BCAS3: variants seen among roughly 807,000 people sequenced by gnomAD.
BCAS3 encodes the protein BCAS3 microtubule associated cell migration factor, also known as BCAS4/BCAS3 fusion.
BCAS3 carries 53 observed loss-of-function variants against 116.1 expected under a neutral mutation model. The observed-to-expected ratio is 0.46, with a 90% CI of 0.37 to 0.57. BCAS3 has a LOEUF of 0.57. Ranked by LOEUF, BCAS3 falls within the 20% of genes least tolerant of loss-of-function variation. BCAS3 has a pLI of 0.00. For synonymous variants in BCAS3, 391 were observed against 408.2 expected, an observed-to-expected ratio of 0.96 and a Z score of 0.51; for missense variants, 917 against 1,165.4, an observed-to-expected ratio of 0.79 and a Z score of 3.10.
At chr17:60,839,480 G>A (rs549731187) in intron 7 of BCAS3, among the ~76,000 whole-genome samples, 1 of 152,196 alleles carries the variant, frequency 6.6e-6, no homozygotes, top group East Asian at 1.9e-4. Flanking sequence ...TATAAGTTGT[G>A]CGAGTGTCGG....
In BCAS3 at chr17:61,208,516, A is replaced by T. The variant is rs1233604421; in HGVS notation, c.2425+123952A>T. Among the ~76,000 whole-genome samples the T allele has an allele frequency of 6.6e-6, 1 of 152,158 alleles. No individual in the cohort carries two copies. ...CCATAACAGCTTGAGTTTAACTCGA[A>T]TCTCATTAGCTCAGCTTAATTTGAG... On this transcript the variant is annotated intron_variant, in intron 22 of 23. Coordinates refer to ENST00000407086, the MANE Select transcript of BCAS3 (RefSeq NM_017679.5). The surrounding 1 kb of genome is among the most constrained non-coding windows in gnomAD (Gnocchi z 4.5).
chr17:60,744,735 C>T (rs985539175), intron 5 of BCAS3, among the ~76,000 whole-genome samples: 7 of 150,518 alleles, frequency 4.7e-5, no homozygotes, highest in African/African-American at 1.5e-4. Flanking sequence ...AAACACAGAT[C>T]CTAGGACCAT....
chr17:60,745,143 A>T (rs576280511), intron 5 of BCAS3, among the ~76,000 whole-genome samples: 2 of 152,126 alleles, frequency 1.3e-5, no homozygotes, highest in South Asian at 4.1e-4. Flanking sequence ...TGCAAATAAT[A>T]GTACAGAGTG....
intron 22 of BCAS3, among the ~76,000 whole-genome samples, chr17:61,175,191 G>T (rs2079064950): frequency 6.6e-6 from 1 of 152,178 alleles, no homozygotes; most frequent in Admixed American, 6.5e-5. Context: ...AAGATTACTT[G>T]TTGGCAGGAG....
At chr17:61,114,642 A>T (rs992919111) in intron 22 of BCAS3, among the ~76,000 whole-genome samples, 1 of 152,164 alleles carries the variant, frequency 6.6e-6, no homozygotes, top group Non-Finnish European at 1.5e-5. Context: ...AAGAATCAAT[A>T]TCGTGAAAAT....
chr17:61,045,823 T>TTCTCTCTCTC lies in BCAS3; in HGVS notation c.2029+4949_2029+4958dup, dbSNP rs1182475386. ...AGAGTGAGTGAGACTTCATCTCTCT[T>TTCTCTCTCTC]TCTCTCTCTCTCTCTCTCTCTCTCT... is the stretch of plus-strand genomic sequence containing the variant. On this transcript the variant is annotated intron_variant, in intron 19 of 23. Coordinates refer to ENST00000407086, the MANE Select transcript of BCAS3 (RefSeq NM_017679.5). Among the ~76,000 whole-genome samples the TTCTCTCTCTC allele has an allele frequency of 2.0e-3, 68 of 34,618 alleles. 3 individuals carry two copies. The highest frequency in any genetic ancestry group is 0.016 in the African/African-American group (62 of 3,848). 22.7% of individuals were successfully genotyped at this position (34,618 alleles called of 152,430 possible).
At chr17:61,165,941 T>C (rs1056022654) in intron 22 of BCAS3, among the ~76,000 whole-genome samples, 93 of 152,206 alleles carry the variant, frequency 6.1e-4, no homozygotes, top group African/African-American at 4.8e-4. Flanking sequence ...TACTAAGTGA[T>C]AGAGCTGGAA....
intron 14 of BCAS3, among the ~76,000 whole-genome samples, chr17:60,951,797 G>A (rs542303623): frequency 9.4e-5 from 13 of 137,744 alleles, no homozygotes; most frequent in East Asian, 4.3e-4. Flanking sequence ...CTTTGGAGAC[G>A]GAGTCTCTAT....
chr17:61,000,749 T>C (rs2064178844), intron 15 of BCAS3, among the ~76,000 whole-genome samples: 1 of 152,178 alleles, frequency 6.6e-6, no homozygotes, highest in African/African-American at 2.4e-5. Flanking sequence ...TAAAGGCTTT[T>C]AGAACAATAC....
chr17:61,206,716 G>A (rs1568574096), intron 22 of BCAS3, among the ~76,000 whole-genome samples: 1 of 146,346 alleles, frequency 6.8e-6, no homozygotes, highest in Non-Finnish European at 1.5e-5. Flanking sequence ...CAGGAGAATC[G>A]CTTGAACCTG....
intron 22 of BCAS3, among the ~76,000 whole-genome samples, chr17:61,338,926 A>G (rs76295035): frequency 0.034 from 5,028 of 149,258 alleles, 345 homozygotes; most frequent in African/African-American, 0.12. Context: ...AGCAGAAAGG[A>G]AAAACAGCAA....
At chr17:61,350,127 T>TA (rs1215943091) in intron 22 of BCAS3, among the ~76,000 whole-genome samples, 1 of 152,102 alleles carries the variant, frequency 6.6e-6, no homozygotes, top group Non-Finnish European at 1.5e-5. Context: ...TTTATTTCAT[T>TA]AAAAAATATA....
chr17:61,336,387 GAACA>G (rs770646147), intron 22 of BCAS3, among the ~76,000 whole-genome samples: 85 of 152,116 alleles, frequency 5.6e-4, no homozygotes, highest in Non-Finnish European at 9.7e-4. Flanking sequence ...TTAAATATCG[GAACA>G]GACAGCCTGC....
chr17:60,929,519 G>A (rs1033192826), intron 13 of BCAS3, among the ~76,000 whole-genome samples: 5 of 151,694 alleles, frequency 3.3e-5, no homozygotes, highest in Admixed American at 1.3e-4. Flanking sequence ...ATTAATTGAC[G>A]TTTTATAAAA....
intron 16 of BCAS3, among the ~76,000 whole-genome samples, chr17:61,027,124 A>C (rs551835888): frequency 5.3e-5 from 8 of 151,618 alleles, no homozygotes; most frequent in Non-Finnish European, 8.9e-5. Flanking sequence ...TAAAAAACAA[A>C]AAAAAAAAAA....
At chr17:60,948,875 TC>T (rs2060672832) in intron 14 of BCAS3, among the ~76,000 whole-genome samples, 1 of 151,964 alleles carries the variant, frequency 6.6e-6, no homozygotes, top group Non-Finnish European at 1.5e-5. Flanking sequence ...ATTGAAATAT[TC>T]TTTTTTTTTT....
intron 19 of BCAS3, among the ~76,000 whole-genome samples, chr17:61,048,023 G>A (rs2068503544): frequency 6.6e-6 from 1 of 151,964 alleles, no homozygotes; most frequent in African/African-American, 2.4e-5. Flanking sequence ...ATATAGCTTA[G>A]ATATACAATA....
intron 13 of BCAS3, among the ~76,000 whole-genome samples, chr17:60,940,590 T>C (rs1164316795): frequency 1.3e-5 from 2 of 152,252 alleles, no homozygotes; most frequent in South Asian, 2.1e-4. Context: ...CTTTTGTGTT[T>C]ACAAATTTGG....
chr17:61,150,235 C>G (rs1225556273), intron 22 of BCAS3, among the ~76,000 whole-genome samples: 1 of 152,176 alleles, frequency 6.6e-6, no homozygotes, highest in Non-Finnish European at 1.5e-5. Context: ...TGCTCCCAGA[C>G]AGAAGACTGC....
Sources: allele counts gnomAD v4.1 joint callset (sites outside exome capture counted in the v4.1 genomes callset), GRCh38; gene constraint gnomAD v4.1.1; non-coding constraint Gnocchi (gnomAD v3.1); transcripts MANE v1.5; gene names NCBI Gene and HGNC (gene_info 2026-07-23, HGNC 2026-07-21).